The following AGBL1 variants were observed in gnomAD, a reference collection of about 807,000 sequenced individuals.
AGBL1 encodes AGBL carboxypeptidase 1.
Under a neutral mutation model 118.9 loss-of-function variants are expected in AGBL1, and 130 were observed. The observed-to-expected ratio is 1.09, with a 90% CI of 0.95 to 1.26. The LOEUF (loss-of-function observed/expected upper bound fraction) is 1.26. Among genes scored for constraint, AGBL1 ranks in the 50% most tolerant of loss-of-function variants. The pLI, the probability that AGBL1 is intolerant of heterozygous loss-of-function variation, is 0.00. For missense variants in AGBL1, 1,584 were observed against 1,298.1 expected (o/e 1.22, Z -3.38); for synonymous variants, 555 against 478.9 (o/e 1.16, Z -2.08).
intron 22 of AGBL1, among the ~76,000 whole-genome samples, chr15:86,717,416 G>A (rs2086654528): frequency 6.6e-6 from 1 of 152,018 alleles, no homozygotes; most frequent in African/African-American, 2.4e-5. Flanking sequence ...TAAGCAATAG[G>A]GTGCCCCATT....
chr15:86,144,526 G>A (rs1488952426), intron 3 of AGBL1, among the ~76,000 whole-genome samples: 1 of 152,160 alleles, frequency 6.6e-6, no homozygotes, highest in Non-Finnish European at 1.5e-5. Flanking sequence ...CATGGGTGGA[G>A]CTGGAGGCCA....
intron 22 of AGBL1, among the ~76,000 whole-genome samples, chr15:86,850,826 A>G (rs922327218): frequency 1.1e-4 from 13 of 116,038 alleles, no homozygotes; most frequent in Non-Finnish European, 2.3e-4. Context: ...GCTAAAAAAC[A>G]AAACAAAACA....
At chr15:86,544,165 G>T (rs1171900940) in intron 19 of AGBL1, among the ~76,000 whole-genome samples, 2 of 152,206 alleles carry the variant, frequency 1.3e-5, no homozygotes, top group African/African-American at 4.8e-5. Flanking sequence ...TATGCATTAT[G>T]ATTCCTCTGC....
At chr15:86,178,143 C>T (rs1269384515) in intron 5 of AGBL1, among the ~76,000 whole-genome samples, 1 of 152,118 alleles carries the variant, frequency 6.6e-6, no homozygotes. Flanking sequence ...GTAACCCTGT[C>T]TCTACTAAAA....
At chr15:86,440,385 T>C (rs1306686639) in intron 18 of AGBL1, among the ~76,000 whole-genome samples, 5 of 151,964 alleles carry the variant, frequency 3.3e-5, no homozygotes, top group Non-Finnish European at 5.9e-5. Context: ...AAAGCCTTTT[T>C]AGATCATCAA....
chr15:86,582,755 G>T (rs533469400), intron 21 of AGBL1, among the ~76,000 whole-genome samples: 10 of 151,106 alleles, frequency 6.6e-5, no homozygotes, highest in Non-Finnish European at 1.5e-5. Context: ...GCAAACTATC[G>T]CAAGGACAAA....
At chr15:86,766,227 T>C (rs1388032426) in intron 22 of AGBL1, among the ~76,000 whole-genome samples, 1 of 151,918 alleles carries the variant, frequency 6.6e-6, no homozygotes, top group African/African-American at 2.4e-5. Context: ...GTGGTGCAGC[T>C]CCAGAGTTCA....
chr15:86,083,332 G>C (rs1055117036), intron 1 of AGBL1: 9 of 152,198 alleles, frequency 5.9e-5, no homozygotes, highest in African/African-American at 2.2e-4. Flanking sequence ...TCACCCAGCA[G>C]TGTCCCACAA....
chr15:86,482,799 T>TGCTTTACATGATCTTAATCATTCC (rs1375689401), intron 18 of AGBL1, among the ~76,000 whole-genome samples: 2 of 152,128 alleles, frequency 1.3e-5, no homozygotes, highest in East Asian at 3.9e-4. Flanking sequence ...TCAATCATTT[T>TGCTTTACATGATCTTAATCATTCC]GCTTTACATG....
chr15:86,770,483 C>T (rs1342359398), intron 22 of AGBL1, among the ~76,000 whole-genome samples: 2 of 151,848 alleles, frequency 1.3e-5, no homozygotes, highest in Admixed American at 1.3e-4. Flanking sequence ...ATTATTTGGT[C>T]CAAAATGTCA....
At chr15:86,467,646 A>G (rs143582422) in intron 18 of AGBL1, among the ~76,000 whole-genome samples, 2 of 152,358 alleles carry the variant, frequency 1.3e-5, no homozygotes, top group East Asian at 3.9e-4. Flanking sequence ...TGCGAAGACC[A>G]TGGGAAAGGT....
intron 21 of AGBL1, among the ~76,000 whole-genome samples, chr15:86,609,635 C>T (rs1000834049): frequency 6.6e-6 from 1 of 152,162 alleles, no homozygotes; most frequent in Admixed American, 6.5e-5. Flanking sequence ...CTCGTGAAAA[C>T]TTCTTGTTAA....
intron 22 of AGBL1, among the ~76,000 whole-genome samples, chr15:86,884,340 C>T (rs187833734): frequency 6.6e-5 from 10 of 152,204 alleles, no homozygotes; most frequent in East Asian, 1.9e-4. Context: ...TGGAGTGGGA[C>T]GACACAAGAT....
chr15:86,868,184 A>C (rs1410176304), intron 22 of AGBL1, among the ~76,000 whole-genome samples: 1 of 151,806 alleles, frequency 6.6e-6, no homozygotes, highest in African/African-American at 2.4e-5. Flanking sequence ...AAAAAACATG[A>C]AAAAATAGGC....
intron 18 of AGBL1, among the ~76,000 whole-genome samples, chr15:86,514,967 T>G (rs2881464): frequency 6.6e-6 from 1 of 151,960 alleles, no homozygotes; most frequent in African/African-American, 2.4e-5. Context: ...GATTTTCCTC[T>G]TTTTTTACAT....
intron 23 of AGBL1, among the ~76,000 whole-genome samples, chr15:86,927,013 C>A (rs2080548230): frequency 6.6e-6 from 1 of 151,938 alleles, no homozygotes; most frequent in Non-Finnish European, 1.5e-5. Context: ...GTGGTGGGCG[C>A]CTGTAATCCT....
At chr15:86,445,827 C>T (rs1189907855) in intron 18 of AGBL1, among the ~76,000 whole-genome samples, 1 of 152,160 alleles carries the variant, frequency 6.6e-6, no homozygotes, top group Non-Finnish European at 1.5e-5. Flanking sequence ...AATTACAGCA[C>T]GTTGTATTAA....
In AGBL1 at chr15:86,205,005, A is replaced by T. The variant is rs187077836; in HGVS notation, c.489-19909A>T. The stretch of plus-strand genomic sequence containing the variant: ...GTTTGGAGAAATTTATAGTGATATG[A>T]ATCTACCATTATAGTATCATACAGA... On this transcript the variant is annotated intron_variant, in intron 5 of 22. Coordinates refer to ENST00000614907, the MANE Select transcript of AGBL1 (RefSeq NM_001386094.1). Among the ~76,000 whole-genome samples the T allele has an allele frequency of 1.2e-4, 19 of 152,300 alleles. No homozygotes were observed. The East Asian group carries it at 2.9e-3, about 23-fold the overall frequency.
intron 21 of AGBL1, among the ~76,000 whole-genome samples, chr15:86,608,217 A>T (rs2084607218): frequency 6.6e-6 from 1 of 152,172 alleles, no homozygotes; most frequent in Non-Finnish European, 1.5e-5. Context: ...CTGGAGAGAA[A>T]CACCAGAAAT....
Sources: allele counts gnomAD v4.1 joint callset (sites outside exome capture counted in the v4.1 genomes callset), GRCh38; gene constraint gnomAD v4.1.1; transcripts MANE v1.5; gene names NCBI Gene and HGNC (gene_info 2026-07-23, HGNC 2026-07-21).